RNGTT: variants seen among roughly 807,000 people sequenced by gnomAD.
The protein encoded by RNGTT is RNA guanylyltransferase and 5'-phosphatase, also known as mRNA-capping enzyme.
Under a neutral mutation model 79.3 loss-of-function variants are expected in RNGTT, and 33 were observed. The ratio of observed to expected loss-of-function variants is 0.42; its 90% CI spans 0.32 to 0.56. RNGTT has a LOEUF of 0.56. Ranked by LOEUF, RNGTT falls within the 20% of genes least tolerant of loss-of-function variation. The pLI is 0.17. For synonymous variants in RNGTT, 222 were observed against 235.9 expected, an observed-to-expected ratio of 0.94 and a Z score of 0.54; for missense variants, 497 against 739.1, an observed-to-expected ratio of 0.67 and a Z score of 3.80.
chr6:88,632,556 C>G (rs1169932208), intron 14 of RNGTT, among the ~76,000 whole-genome samples: 1 of 149,452 alleles, frequency 6.7e-6, no homozygotes, highest in Non-Finnish European at 1.5e-5. Context: ...CACACACACA[C>G]ACACACACAC....
chr6:88,643,528 C>T (rs1022452621), intron 14 of RNGTT, among the ~76,000 whole-genome samples: 2 of 152,194 alleles, frequency 1.3e-5, no homozygotes, highest in African/African-American at 4.8e-5. Flanking sequence ...TAACTCTCCA[C>T]CCCAAATCAA....
At chr6:88,649,375 A>T (rs990455485) in intron 14 of RNGTT, among the ~76,000 whole-genome samples, 1 of 152,178 alleles carries the variant, frequency 6.6e-6, no homozygotes, top group Non-Finnish European at 1.5e-5. Flanking sequence ...ATTTTAATGT[A>T]AAAGTGGCCA....
chr6:88,866,751 G>C (rs1347845410), intron 8 of RNGTT, among the ~76,000 whole-genome samples: 1 of 152,146 alleles, frequency 6.6e-6, no homozygotes, highest in Non-Finnish European at 1.5e-5. Flanking sequence ...ACATCTTAAA[G>C]ATTCAAATTG....
At chr6:88,945,609 C>T (rs909585708) in intron 1 of RNGTT, among the ~76,000 whole-genome samples, 1 of 152,174 alleles carries the variant, frequency 6.6e-6, no homozygotes, top group Non-Finnish European at 1.5e-5. Context: ...ACTCTCTCTA[C>T]GGTCTCTGCC....
chr6:88,753,500 G>A (rs945817042), intron 13 of RNGTT, among the ~76,000 whole-genome samples: 77 of 149,132 alleles, frequency 5.2e-4, no homozygotes, highest in African/African-American at 1.6e-3. Flanking sequence ...TGAGACCCCT[G>A]TCTCAAAAAA....
chr6:88,670,495 G>C (rs925971328), intron 14 of RNGTT, among the ~76,000 whole-genome samples: 1 of 152,056 alleles, frequency 6.6e-6, no homozygotes, highest in Non-Finnish European at 1.5e-5. Context: ...ATTCTAAAAG[G>C]GGGGAATAAG....
At chr6:88,931,752 C>T (rs1457611224) in intron 2 of RNGTT, among the ~76,000 whole-genome samples, 1 of 152,156 alleles carries the variant, frequency 6.6e-6, no homozygotes, top group African/African-American at 2.4e-5. Flanking sequence ...TCAGGGACCC[C>T]TAACAGAGGG....
intron 11 of RNGTT, among the ~76,000 whole-genome samples, chr6:88,809,465 C>T (rs35507714): frequency 0.09 from 13,709 of 152,072 alleles, 866 homozygotes; most frequent in Middle Eastern, 0.2. Context: ...AAAAATACTC[C>T]ACCCAAACCA....
At chr6:88,667,859 G>A (rs557165885) in intron 14 of RNGTT, among the ~76,000 whole-genome samples, 1 of 152,248 alleles carries the variant, frequency 6.6e-6, no homozygotes, top group Admixed American at 6.5e-5. Context: ...ACAGGATTAG[G>A]CTTAGGGAAA....
At chr6:88,656,376 T>G (rs1008746054) in intron 14 of RNGTT, among the ~76,000 whole-genome samples, 1 of 152,180 alleles carries the variant, frequency 6.6e-6, no homozygotes, top group Non-Finnish European at 1.5e-5. Flanking sequence ...CATTATAAAA[T>G]GATTGGTGTT....
At chr6:88,656,399 T>C (rs1256484535) in intron 14 of RNGTT, among the ~76,000 whole-genome samples, 5 of 152,174 alleles carry the variant, frequency 3.3e-5, no homozygotes, top group African/African-American at 7.2e-5. Context: ...ATGTAGCTTA[T>C]ATTTTAGGAT....
At chr6:88,791,807 GC>G (rs776856132) in intron 12 of RNGTT, among the ~76,000 whole-genome samples, 3 of 152,150 alleles carry the variant, frequency 2.0e-5, no homozygotes, top group South Asian at 2.1e-4. Flanking sequence ...CCAAAGTGCT[GC>G]GATTACAGGC....
intron 13 of RNGTT, among the ~76,000 whole-genome samples, chr6:88,743,066 A>T (rs1020827477): frequency 6.6e-6 from 1 of 152,234 alleles, no homozygotes; most frequent in Non-Finnish European, 1.5e-5. Context: ...TAATAACATA[A>T]GAAGTAAACA....
chr6:88,875,366 A>T (rs761796237), intron 8 of RNGTT, among the ~76,000 whole-genome samples: 5 of 152,120 alleles, frequency 3.3e-5, no homozygotes, highest in Non-Finnish European at 5.9e-5. Context: ...GGGGTGGGAT[A>T]AAAGTTCTCA....
chr6:88,864,000 T>C (rs955469996), intron 8 of RNGTT, among the ~76,000 whole-genome samples: 1 of 152,142 alleles, frequency 6.6e-6, no homozygotes, highest in Non-Finnish European at 1.5e-5. Context: ...GCAACTTGCT[T>C]ATTCTCCTCT....
intron 2 of RNGTT, among the ~76,000 whole-genome samples, chr6:88,931,324 A>C (rs1784508434): frequency 1.3e-5 from 2 of 152,070 alleles, no homozygotes; most frequent in African/African-American, 4.8e-5. Context: ...TGCAGGGGAG[A>C]ACACAGCAAT....
intron 8 of RNGTT, among the ~76,000 whole-genome samples, chr6:88,879,394 T>C (rs942227217): frequency 2.0e-5 from 3 of 152,094 alleles, no homozygotes; most frequent in East Asian, 3.9e-4. Flanking sequence ...ACTCCGTCTC[T>C]ACATAAATAA....
At chr6:88,634,927 T>C (rs1450888989) in intron 14 of RNGTT, among the ~76,000 whole-genome samples, 7 of 152,100 alleles carry the variant, frequency 4.6e-5, no homozygotes, top group Non-Finnish European at 1.0e-4. Flanking sequence ...TTCTTTCTTT[T>C]TTAACAGAGA....
intron 14 of RNGTT, among the ~76,000 whole-genome samples, chr6:88,672,231 A>C (rs1184647677): frequency 6.6e-6 from 1 of 151,074 alleles, no homozygotes. Flanking sequence ...ACACACACAC[A>C]TATATATACA....
Sources: gnomAD v4.1 joint callset for allele counts (sites outside exome capture counted in the v4.1 genomes callset) on GRCh38, gnomAD v4.1.1 for gene constraint, MANE v1.5 for transcripts, NCBI Gene and HGNC (gene_info 2026-07-23, HGNC 2026-07-21) for gene names.